The following PGM1 variants were observed in gnomAD, a reference collection of about 807,000 sequenced individuals.
PGM1 encodes phosphoglucomutase-1.
PGM1 carries 52 observed loss-of-function variants against 55.6 expected under a neutral mutation model. The ratio of observed to expected loss-of-function variants is 0.94; its 90% CI spans 0.75 to 1.18. PGM1 has a LOEUF of 1.18. PGM1 is among the 50% of genes most tolerant of loss of function. The pLI, the probability that PGM1 is intolerant of heterozygous loss-of-function variation, is 0.00. For synonymous variants in PGM1, 287 were observed against 271.7 expected, an observed-to-expected ratio of 1.06 and a Z score of -0.55; for missense variants, 724 against 729.3, an observed-to-expected ratio of 0.99 and a Z score of 0.08.
chr1:63,637,572 G>A (rs1216561360), intron 6 of PGM1, among the ~76,000 whole-genome samples: 2 of 152,316 alleles, frequency 1.3e-5, no homozygotes, highest in Admixed American at 6.5e-5. Context: ...TTAAGGAAGA[G>A]GAAATGGAAA....
intron 1 of PGM1, among the ~76,000 whole-genome samples, chr1:63,603,625 G>A (rs1261103434): frequency 6.6e-6 from 1 of 152,212 alleles, no homozygotes; most frequent in Admixed American, 6.5e-5. Flanking sequence ...CTAGTTAATA[G>A]AGGAAATTGC....
intron 1 of PGM1, among the ~76,000 whole-genome samples, chr1:63,617,500 A>C (rs1316009847): frequency 5.9e-5 from 9 of 151,990 alleles, no homozygotes; most frequent in African/African-American, 1.7e-4. Flanking sequence ...TGAGATGAGG[A>C]GTTCGAGACC....
At chr1:63,636,530 G>A (rs924650409) in intron 6 of PGM1, 142 bp downstream of exon 6, 3 of 941,122 alleles carry the variant, frequency 3.2e-6, no homozygotes, top group Non-Finnish European at 5.1e-6. Flanking sequence ...TCTTGTGTGA[G>A]GGGATGGTTG....
intron 7 of PGM1, among the ~76,000 whole-genome samples, chr1:63,639,012 A>G (rs1012079309): frequency 1.3e-5 from 2 of 152,196 alleles, no homozygotes; most frequent in Admixed American, 1.3e-4. Flanking sequence ...TCAGAGGATC[A>G]TATCGACTCA....
In PGM1 at chr1:63,629,568, A is replaced by G. The variant is rs150581315; in HGVS notation, c.390A>G (p.Lys130=). ...PGGPNGDFGI[K]FNISNGGPAP... ...GCCCCAATGGAGATTTTGGAATCAA[A>G]TTCAATATTTCTAATGGAGGTGAGT... The change falls in exon 2 of 11, where the codon AAA becomes AAG. Residue 130 remains lysine (K), a synonymous_variant. Coordinates refer to ENST00000371084, the MANE Select transcript of PGM1 (RefSeq NM_002633.3). The G allele has an allele frequency of 1.2e-6, 2 of 1,613,830 alleles. No individual in the cohort carries two copies. Among genetic ancestry groups the G allele is most frequent in the African/African-American group, 1.3e-5 (1 of 75,020 alleles).
In PGM1 at chr1:63,594,977, A is replaced by AAAAG. The variant is rs1360101900; in HGVS notation, c.246+1246_246+1247insGAAA. Reference sequence around the variant, plus strand: ...CTCCGTCTCAAAAAAAAAAAAAAAGAAAAAAAAAGTGGATTGATAAGTTGG... The same window carrying AAAAG: ...CTCCGTCTCAAAAAAAAAAAAAAAGAAAAGAAAAAAAAGTGGATTGATAAGTTGG... On this transcript the variant is annotated intron_variant, in intron 1 of 10. Coordinates refer to ENST00000371084, the MANE Select transcript of PGM1 (RefSeq NM_002633.3). Among the ~76,000 whole-genome samples, 38 of 149,662 alleles carry AAAAG rather than the reference A, an allele frequency of 2.5e-4. 1 individual carries two copies. Among genetic ancestry groups the AAAAG allele is most frequent in the Non-Finnish European group, 4.5e-5 (3 of 67,302 alleles).
chr1:63,639,764 G>A (rs1245211744), intron 7 of PGM1, among the ~76,000 whole-genome samples: 1 of 152,142 alleles, frequency 6.6e-6, no homozygotes, highest in African/African-American at 2.4e-5. Context: ...TTCATGCCAG[G>A]TTAAACAGAA....
chr1:63,629,865 A>T, intron 2 of PGM1, 77 bp from the exon 3 acceptor site: 1 of 1,509,578 alleles, frequency 6.6e-7, no homozygotes, highest in Non-Finnish European at 9.2e-7. Flanking sequence ...AGTGAAGAGG[A>T]ACTGATGAGC....
chr1:63,649,239 T>C (rs1053446405), intron 8 of PGM1, among the ~76,000 whole-genome samples: 2 of 152,238 alleles, frequency 1.3e-5, no homozygotes, highest in African/African-American at 4.8e-5. Context: ...TTTAATTTAT[T>C]CAACAGATAT....
At chr1:63,600,192 C>G (rs1648198901) in intron 1 of PGM1, 1 of 152,220 alleles carries the variant, frequency 6.6e-6, no homozygotes, top group Admixed American at 6.5e-5. Flanking sequence ...AGTCACTAAA[C>G]AATCTTTGTT....
intron 1 of PGM1, among the ~76,000 whole-genome samples, chr1:63,608,172 T>C (rs977081085): frequency 5.3e-5 from 8 of 152,248 alleles, no homozygotes; most frequent in African/African-American, 1.9e-4. Context: ...AGGGAGTTAC[T>C]GTATTTTATA....
At chr1:63,623,010 T>A (rs1648923482) in intron 1 of PGM1, 1 of 160,592 alleles carries the variant, frequency 6.2e-6, no homozygotes, top group Admixed American at 6.0e-5. Flanking sequence ...CACACCAGGG[T>A]GTCTTGTTCA....
At chr1:63,656,943 T>G (rs1207102736) in intron 10 of PGM1, among the ~76,000 whole-genome samples, 1 of 152,120 alleles carries the variant, frequency 6.6e-6, no homozygotes, top group African/African-American at 2.4e-5. Flanking sequence ...ACACTTGAAA[T>G]GTACTAGGAG....
At chr1:63,613,536 G>T (rs555644084) in intron 1 of PGM1, among the ~76,000 whole-genome samples, 2 of 151,886 alleles carry the variant, frequency 1.3e-5, no homozygotes, top group African/African-American at 2.4e-5. Context: ...TCTTCCCTAT[G>T]TATCTCTTCT....
intron 7 of PGM1, among the ~76,000 whole-genome samples, chr1:63,646,918 A>G (rs868356153): frequency 6.6e-6 from 1 of 151,962 alleles, no homozygotes; most frequent in Non-Finnish European, 1.5e-5. Context: ...AATTTTTTCT[A>G]TATTGAATGT....
At chr1:63,615,804 T>G (rs972878158) in intron 1 of PGM1, among the ~76,000 whole-genome samples, 5 of 151,762 alleles carry the variant, frequency 3.3e-5, no homozygotes, top group Admixed American at 2.6e-4. Context: ...TTCTCTCCTC[T>G]TCTTAAAAGC....
At chr1:63,613,269 T>TC (rs919371566) in intron 1 of PGM1, among the ~76,000 whole-genome samples, 4 of 149,148 alleles carry the variant, frequency 2.7e-5, no homozygotes, top group Non-Finnish European at 4.5e-5. Context: ...CTTTTTTTTT[T>TC]TTTTTTTTTT....
chr1:63,639,284 G>T (rs1649452111), intron 7 of PGM1, among the ~76,000 whole-genome samples: 1 of 152,120 alleles, frequency 6.6e-6, no homozygotes, highest in Non-Finnish European at 1.5e-5. Context: ...AAGACCATGA[G>T]GGTGGAACTA....
chr1:63,615,547 CTTCTTTTTTT>C (rs1648687136), intron 1 of PGM1, among the ~76,000 whole-genome samples: 1 of 96,096 alleles, frequency 1.0e-5, no homozygotes, highest in African/African-American at 4.6e-5. Context: ...TCTTCTTCTT[CTTCTTTTTTT>C]TTTTTTTTTT....
Sources: allele counts gnomAD v4.1 joint callset (sites outside exome capture counted in the v4.1 genomes callset), GRCh38; gene constraint gnomAD v4.1.1; transcripts MANE v1.5; gene names NCBI Gene and HGNC (gene_info 2026-07-23, HGNC 2026-07-21).